Variants in ANAPC4 observed in about 807,000 individuals in gnomAD.
The protein encoded by ANAPC4 is anaphase promoting complex subunit 4.
In ANAPC4, 63 loss-of-function variants were observed where a neutral mutation model predicts 119.8. The ratio of observed to expected loss-of-function variants is 0.53; its 90% CI spans 0.43 to 0.65. The LOEUF is 0.65. Ranked by LOEUF, ANAPC4 falls within the 30% of genes least tolerant of loss-of-function variation. The pLI, the probability that ANAPC4 is intolerant of heterozygous loss-of-function variation, is 0.00. For missense variants in ANAPC4, 716 were observed against 945.1 expected (o/e 0.76, Z 3.18); for synonymous variants, 283 against 318.6 (o/e 0.89, Z 1.19).
At chr4:25,394,467 TTTTTAATTGATACATAATA>T (rs1263810543) in intron 12 of ANAPC4, 93 bp downstream of exon 12, 39 of 1,184,008 alleles carry the variant, frequency 3.3e-5, no homozygotes, top group Non-Finnish European at 3.3e-5. Flanking sequence ...GTATGTGATT[TTTTTAATTGATACATAATA>T]TTTTAATTGA....
At chr4:25,387,507 A>G (rs866367796) in intron 4 of ANAPC4, among the ~76,000 whole-genome samples, 1 of 152,224 alleles carries the variant, frequency 6.6e-6, no homozygotes, top group African/African-American at 2.4e-5. Flanking sequence ...GTGAATATGT[A>G]GAATGTTAGA....
chr4:25,400,893 C>T (rs1457533577), intron 16 of ANAPC4, among the ~76,000 whole-genome samples: 1 of 151,972 alleles, frequency 6.6e-6, no homozygotes, highest in Non-Finnish European at 1.5e-5. Context: ...CAGTGGGATG[C>T]TTGAAATTGA....
chr4:25,394,747 A>G, intron 13 of ANAPC4, 34 bp downstream of exon 13: 1 of 1,601,074 alleles, frequency 6.2e-7, no homozygotes, highest in Non-Finnish European at 8.5e-7. Flanking sequence ...TCAAATGGCT[A>G]TGAACACATT....
chr4:25,412,299 C>A (rs7435058), intron 21 of ANAPC4, among the ~76,000 whole-genome samples: 61,766 of 151,952 alleles, frequency 0.41, 14,610 homozygotes, highest in Non-Finnish European at 0.52. Context: ...GTATTTCTGG[C>A]GGTTTCATTA....
At chr4:25,388,970 T>C (rs1722188774) in intron 7 of ANAPC4, 88 bp downstream of exon 7, 3 of 1,112,664 alleles carry the variant, frequency 2.7e-6, no homozygotes, top group Non-Finnish European at 2.6e-6. Flanking sequence ...AAATCCTTTA[T>C]TTGCCATTTT....
intron 3 of ANAPC4, among the ~76,000 whole-genome samples, chr4:25,382,758 G>A (rs1721809069): frequency 6.6e-6 from 1 of 152,182 alleles, no homozygotes; most frequent in African/African-American, 2.4e-5. Flanking sequence ...ATAATGACTT[G>A]TGTGGAGAAA....
chr4:25,391,855 C>A (rs1376318410), intron 9 of ANAPC4, among the ~76,000 whole-genome samples: 1 of 152,174 alleles, frequency 6.6e-6, no homozygotes, highest in East Asian at 1.9e-4. Flanking sequence ...TGCTCATCTT[C>A]TTAAGGTTAT....
intron 4 of ANAPC4, among the ~76,000 whole-genome samples, chr4:25,385,338 G>A (rs904276795): frequency 7.9e-5 from 12 of 152,092 alleles, no homozygotes; most frequent in African/African-American, 1.9e-4. Flanking sequence ...GAAAATCCTC[G>A]ATGGCATCTT....
intron 4 of ANAPC4, 70 bp from the exon 5 acceptor site, chr4:25,388,430 T>A: frequency 9.6e-7 from 1 of 1,042,724 alleles, no homozygotes; most frequent in South Asian, 1.4e-5. Flanking sequence ...TTTTAAAAAT[T>A]AGCATTTTTA....
At chr4:25,378,523 C>T (rs992979555) in intron 2 of ANAPC4, among the ~76,000 whole-genome samples, 1 of 152,146 alleles carries the variant, frequency 6.6e-6, no homozygotes, top group African/African-American at 2.4e-5. Context: ...CAGGTGGTAC[C>T]GTCACAGAAG....
chr4:25,414,221 G>C, intron 22 of ANAPC4, 103 bp from the exon 23 acceptor site: 1 of 793,742 alleles, frequency 1.3e-6, no homozygotes. Flanking sequence ...TGATGTAGGC[G>C]ATTTTTTTAC....
In ANAPC4 at chr4:25,390,220, G is replaced by A. The variant is rs1722269676; in HGVS notation, c.600G>A (p.Gly200=). The change falls in exon 8 of 29, where the codon GGG becomes GGA. Residue 200 remains glycine (G), a splice_region_variant and synonymous_variant. Coordinates refer to ENST00000315368, the MANE Select transcript of ANAPC4 (RefSeq NM_013367.3). Reference sequence around the variant, plus strand: ...TGTTTAAAATTGCTCGAGTCACAGGGGTAAGATTTCTTTAACATTTTCTCT... The same window carrying A: ...TGTTTAAAATTGCTCGAGTCACAGGAGTAAGATTTCTTTAACATTTTCTCT... ...YGMFKIARVT[G]IAGTCLALCL... is the part of the protein sequence containing the mutation. 1.2e-6 allele frequency: 2 copies of A among 1,602,348 alleles called. No homozygotes were observed. The highest frequency in any genetic ancestry group is 1.3e-5 in the African/African-American group (1 of 74,414).
At chr4:25,396,535 A>T in intron 14 of ANAPC4, 129 bp from the exon 15 acceptor site, 1 of 717,056 alleles carries the variant, frequency 1.4e-6, no homozygotes, top group Non-Finnish European at 2.3e-6. Context: ...TTTGAGAAAT[A>T]ATTATTTCTC....
chr4:25,414,229 T>C, intron 22 of ANAPC4, 95 bp from the exon 23 acceptor site: 1 of 866,412 alleles, frequency 1.2e-6, no homozygotes. Flanking sequence ...GCGATTTTTT[T>C]ACCACATTCG....
At chr4:25,407,689 A>G (rs140119546) in intron 20 of ANAPC4, among the ~76,000 whole-genome samples, 392 of 128,428 alleles carry the variant, frequency 3.1e-3, no homozygotes, top group African/African-American at 9.4e-3. Flanking sequence ...ATTATTAGGT[A>G]TTAAAAATTA....
intron 2 of ANAPC4, 96 bp downstream of exon 2, chr4:25,377,652 C>T: frequency 1.3e-6 from 2 of 1,485,794 alleles, no homozygotes; most frequent in East Asian, 2.4e-5. Flanking sequence ...CACAGGCGGC[C>T]GGAGCCTCAG....
intron 22 of ANAPC4, 47 bp from the exon 23 acceptor site, chr4:25,414,277 G>A: frequency 2.3e-6 from 3 of 1,292,218 alleles, no homozygotes; most frequent in Non-Finnish European, 3.2e-6. Context: ...GAGTATCTGT[G>A]TGCATATTAA....
At chr4:25,399,459 C>CT (rs57772326) in intron 16 of ANAPC4, among the ~76,000 whole-genome samples, 61,807 of 151,226 alleles carry the variant, frequency 0.41, 14,607 homozygotes, top group Non-Finnish European at 0.52. Flanking sequence ...GTCTGTGTAT[C>CT]TTTTTTTATG....
In ANAPC4 at chr4:25,388,711, T is replaced by C; in HGVS notation, c.444-6T>C. The C allele has an allele frequency of 6.2e-7, 1 of 1,605,250 alleles. No homozygotes were observed. Among genetic ancestry groups the C allele is most frequent in the Non-Finnish European group, 8.5e-7 (1 of 1,175,158 alleles). On this transcript the variant is annotated splice_region_variant and splice_polypyrimidine_tract_variant and intron_variant, in intron 5 of 28. Transcript: ENST00000315368. ...ATTTTTTACCTTAATCTCTGTTTCC[T>C]TCTAGCTATAGCAACACCTCAAAAA...
Sources: gnomAD v4.1 joint callset for allele counts (sites outside exome capture counted in the v4.1 genomes callset) on GRCh38, gnomAD v4.1.1 for gene constraint, MANE v1.5 for transcripts, NCBI Gene and HGNC (gene_info 2026-07-23, HGNC 2026-07-21) for gene names.